Variants in CDH11 observed in about 807,000 individuals in gnomAD.
CDH11 encodes cadherin 11, also known as cadherin-11.
A neutral mutation model predicts 67.8 loss-of-function variants in CDH11; 11 were observed. That is an observed-to-expected ratio of 0.16 (90% CI 0.10 to 0.27). The LOEUF (loss-of-function observed/expected upper bound fraction) is 0.27, where lower values mean the gene tolerates loss of function less well. Among genes scored for constraint, CDH11 ranks in the 10% least tolerant of loss-of-function variants. The probability of loss-of-function intolerance (pLI) is 1.00; values close to 1 mark genes in which losing one functional copy is unlikely to be tolerated. For missense variants in CDH11, 847 were observed against 1,031.2 expected, an observed-to-expected ratio of 0.82 and a Z score of 2.45; for synonymous variants, 419 against 400.0, an observed-to-expected ratio of 1.05 and a Z score of -0.57.
At chr16:65,025,409 T>G (rs1266668547) in intron 2 of CDH11, among the ~76,000 whole-genome samples, 2 of 152,098 alleles carry the variant, frequency 1.3e-5, no homozygotes, top group African/African-American at 4.8e-5. Context: ...CGATCTTGGC[T>G]TCACTGCAAC....
chr16:65,000,244 G>T (rs1424603149), intron 3 of CDH11, among the ~76,000 whole-genome samples: 1 of 152,106 alleles, frequency 6.6e-6, no homozygotes, highest in African/African-American at 2.4e-5. Context: ...AAACATGAAA[G>T]TCTCCCAAAA....
chr16:65,104,317 G>A (rs114160280), intron 1 of CDH11, among the ~76,000 whole-genome samples: 84 of 152,260 alleles, frequency 5.5e-4, no homozygotes, highest in African/African-American at 1.8e-3. Flanking sequence ...AAACATATGG[G>A]TTTGGAAACA....
rs1348068109 is a variant in CDH11, at chr16:65,058,016, C to T, written c.-297-4088G>A. 2.6e-5 allele frequency among the ~76,000 whole-genome samples: 4 copies of T among 152,254 alleles called. No individual in the cohort carries two copies. In the East Asian group the frequency reaches 5.8e-4, roughly 22 times the overall value. ...TTGGGAGGCTGAGGCAGGAGGATCA[C>T]ATGAGCTCAGGAGTTCAAGACCAGC... On this transcript the variant is annotated intron_variant, in intron 1 of 12. Coordinates refer to ENST00000268603, the MANE Select transcript of CDH11 (RefSeq NM_001797.4).
intron 11 of CDH11, among the ~76,000 whole-genome samples, chr16:64,954,779 T>C (rs1018516675): frequency 1.3e-5 from 2 of 152,226 alleles, no homozygotes; most frequent in East Asian, 3.9e-4. Context: ...CGGCCTGTCC[T>C]TCTTGTGATC....
At chr16:65,043,832 TGGG>T (rs1478926708) in intron 2 of CDH11, among the ~76,000 whole-genome samples, 1 of 152,188 alleles carries the variant, frequency 6.6e-6, no homozygotes, top group Admixed American at 6.5e-5. Context: ...GCATTGGTCT[TGGG>T]GGGAGGGGAG....
At chr16:65,023,571 C>A (rs1410795793) in intron 2 of CDH11, among the ~76,000 whole-genome samples, 1 of 152,316 alleles carries the variant, frequency 6.6e-6, no homozygotes, top group African/African-American at 2.4e-5. Context: ...ATAGGCAGAG[C>A]AGTGGCATGG....
chr16:65,019,532 G>A (rs257488), intron 2 of CDH11, among the ~76,000 whole-genome samples: 135,330 of 152,072 alleles, frequency 0.89, 60,350 homozygotes, highest in East Asian at 1. Context: ...TTAGTGCATC[G>A]TTAACACTAA....
At chr16:65,112,294 T>A (rs1048087322) in intron 1 of CDH11, among the ~76,000 whole-genome samples, 3 of 152,040 alleles carry the variant, frequency 2.0e-5, no homozygotes, top group Non-Finnish European at 4.4e-5. Flanking sequence ...CAGGACATGG[T>A]AGCAATGATT....
At chr16:65,078,314 G>C (rs1400844100) in intron 1 of CDH11, among the ~76,000 whole-genome samples, 1 of 152,162 alleles carries the variant, frequency 6.6e-6, no homozygotes, top group African/African-American at 2.4e-5. Flanking sequence ...GAATGTGAGT[G>C]TGTTTACCGA....
chr16:64,963,934 C>T (rs1306966886), intron 11 of CDH11, among the ~76,000 whole-genome samples: 3 of 152,052 alleles, frequency 2.0e-5, no homozygotes, highest in Non-Finnish European at 4.4e-5. Flanking sequence ...GCCAGTAGGC[C>T]TGCCTTGTAA....
At chr16:65,014,878 G>A (rs2073265390) in intron 2 of CDH11, among the ~76,000 whole-genome samples, 1 of 151,400 alleles carries the variant, frequency 6.6e-6, no homozygotes, top group African/African-American at 2.4e-5. Context: ...TTTTTGAGAT[G>A]GAGTTTCGCT....
chr16:65,109,229 G>A (rs140163383), intron 1 of CDH11, among the ~76,000 whole-genome samples: 2 of 152,270 alleles, frequency 1.3e-5, no homozygotes, highest in African/African-American at 4.8e-5. Context: ...GCAAGGAGCT[G>A]TCTCAGCTAC....
chr16:64,982,290 A>C lies in CDH11; in HGVS notation c.1011T>G (p.Phe337Leu). ...GVIKLKKPVD[F>L]ETKRAYSLKV... ...TCAAGCTATAGGCTCTTTTGGTTTCAAAATCTACAGGCTGGCAAGAATGAA... is the reference window on the plus strand; with the variant it reads ...TCAAGCTATAGGCTCTTTTGGTTTCCAAATCTACAGGCTGGCAAGAATGAA... Residue 337 changes from phenylalanine (F) to leucine (L), a missense_variant, in exon 8 of 13, where the codon TTT becomes TTG. Around this residue, in one of 2 missense-constraint regions of CDH11, gnomAD observed 612 missense variants for 678.7 expected, o/e 0.90. Coordinates refer to ENST00000268603, the MANE Select transcript of CDH11 (RefSeq NM_001797.4). 1 of 1,612,058 alleles carries C rather than the reference A, an allele frequency of 6.2e-7. No individual in the cohort carries two copies. The highest frequency in any genetic ancestry group is 8.5e-7 in the Non-Finnish European group (1 of 1,178,698).
chr16:65,036,839 T>C (rs2073764903), intron 2 of CDH11, among the ~76,000 whole-genome samples: 1 of 152,184 alleles, frequency 6.6e-6, no homozygotes, highest in Non-Finnish European at 1.5e-5. Context: ...GGTCCCATAC[T>C]GTTTGCAAAC....
chr16:65,069,787 T>G (rs1597156127), intron 1 of CDH11, among the ~76,000 whole-genome samples: 1 of 152,098 alleles, frequency 6.6e-6, no homozygotes, highest in Admixed American at 6.5e-5. Context: ...AGCACAAACC[T>G]TAGAAGGTTC....
intron 2 of CDH11, among the ~76,000 whole-genome samples, chr16:65,020,519 T>C (rs998928557): frequency 2.0e-5 from 3 of 152,048 alleles, no homozygotes; most frequent in Non-Finnish European, 4.4e-5. Flanking sequence ...TTAATAGATA[T>C]GGGGTTTCAC....
At chr16:65,055,204 T>C (rs1452024423) in intron 1 of CDH11, among the ~76,000 whole-genome samples, 1 of 152,174 alleles carries the variant, frequency 6.6e-6, no homozygotes, top group Non-Finnish European at 1.5e-5. Flanking sequence ...GTGGCCAGTC[T>C]CTAAAATTAC....
intron 1 of CDH11, among the ~76,000 whole-genome samples, chr16:65,104,246 T>A (rs546820743): frequency 9.2e-5 from 14 of 152,076 alleles, no homozygotes; most frequent in Non-Finnish European, 1.9e-4. Flanking sequence ...TATACCCAGG[T>A]GAAAGTTAGG....
chr16:65,003,082 T>G (rs1454698930), intron 3 of CDH11, among the ~76,000 whole-genome samples: 4 of 140,638 alleles, frequency 2.8e-5, no homozygotes, highest in African/African-American at 9.9e-5. Context: ...GGATCTATCT[T>G]TGTTTTTTTT....
Sources: gnomAD v4.1 joint callset for allele counts (sites outside exome capture counted in the v4.1 genomes callset) on GRCh38, gnomAD v4.1.1 for gene constraint, gnomAD v4.1.1 regional missense constraint, MANE v1.5 for transcripts, NCBI Gene and HGNC (gene_info 2026-07-23, HGNC 2026-07-21) for gene names.